Variants in WIPF1 observed in about 807,000 individuals in gnomAD.
WIPF1 encodes WAS/WASL interacting protein family member 1.
WIPF1 carries 13 observed loss-of-function variants against 35.4 expected under a neutral mutation model. The ratio of observed to expected loss-of-function variants is 0.37; its 90% CI spans 0.24 to 0.58. The LOEUF (loss-of-function observed/expected upper bound fraction) is 0.58. WIPF1 is among the 20% of genes least tolerant of loss of function. The probability of loss-of-function intolerance (pLI) is 0.74; values close to 1 mark genes in which losing one functional copy is unlikely to be tolerated. For synonymous variants in WIPF1, 267 were observed against 266.3 expected (o/e 1.00, Z -0.02); for missense variants, 591 against 667.0 (o/e 0.89, Z 1.25).
chr2:174,595,109 A>AAAAAAAAATATAAATATATAT (rs1553529785), intron 1 of WIPF1, among the ~76,000 whole-genome samples: 1 of 57,738 alleles, frequency 1.7e-5, no homozygotes, highest in African/African-American at 9.0e-5. Flanking sequence ...AAAAAAAAAA[A>AAAAAAAAATATAAATATATAT]ATATATATAT....
chr2:174,609,628 T>C (rs1431403863), intron 1 of WIPF1, among the ~76,000 whole-genome samples: 3 of 152,254 alleles, frequency 2.0e-5, no homozygotes, highest in Non-Finnish European at 1.5e-5. Context: ...TAAGACTACA[T>C]TGATTTGGAG....
At chr2:174,665,118 A>G (rs561548676) in intron 1 of WIPF1, 1 of 152,328 alleles carries the variant, frequency 6.6e-6, no homozygotes, top group Admixed American at 6.5e-5. Context: ...GAGACAGAGG[A>G]GAGGCAGACC....
At chr2:174,627,548 CTTTT>C (rs1231251170) in intron 1 of WIPF1, among the ~76,000 whole-genome samples, 2 of 122,942 alleles carry the variant, frequency 1.6e-5, no homozygotes, top group South Asian at 2.7e-4. Flanking sequence ...CTTTCTCTTT[CTTTT>C]TTTTTTTTGA....
chr2:174,568,120 C>T (rs1684722567), intron 5 of WIPF1, 47 bp from the exon 6 acceptor site: 3 of 1,568,768 alleles, frequency 1.9e-6, no homozygotes, highest in African/African-American at 2.7e-5. Context: ...ATCCACATTC[C>T]ATTACCGTGG....
intron 1 of WIPF1, among the ~76,000 whole-genome samples, chr2:174,634,201 A>G (rs1466951763): frequency 2.0e-5 from 3 of 152,246 alleles, no homozygotes; most frequent in Admixed American, 6.5e-5. Flanking sequence ...ATTTACATTA[A>G]CAGGTAAAAA....
chr2:174,571,787 A>G lies in WIPF1; in HGVS notation c.1018T>C (p.Ser340Pro). Residue 340 changes from serine to proline, a missense_variant, in exon 5 of 8, where the codon TCC becomes CCC. By Grantham distance (74) the Ser-to-Pro change is moderately conservative. Coordinates refer to ENST00000679041, the MANE Select transcript of WIPF1 (RefSeq NM_001375834.1). This position sits in a 1 kb window ranked among gnomAD's most constrained non-coding sequence, Gnocchi z 4.6. ...ETPRLPQRNL[S>P]LSSSTPPLPS... ...AACGGGGGCGTGGACGAACTGAGGG[A>G]CAGATTCCGCTGTGGGAGTCTTGGG... 1 of 1,614,168 alleles carries G rather than the reference A, an allele frequency of 6.2e-7. No individual in the cohort carries two copies. Among genetic ancestry groups the G allele is most frequent in the Non-Finnish European group, 8.5e-7 (1 of 1,180,040 alleles).
intron 4 of WIPF1, chr2:174,574,923 C>T (rs1413090091): frequency 1.4e-6 from 1 of 716,176 alleles, no homozygotes; most frequent in East Asian, 2.7e-5. Context: ...CCTCCCTTTT[C>T]TTCCCACTCC....
chr2:174,666,254 G>A (rs149415426), intron 1 of WIPF1, among the ~76,000 whole-genome samples: 289 of 152,320 alleles, frequency 1.9e-3, no homozygotes, highest in Non-Finnish European at 3.4e-3. Flanking sequence ...GACACAGTGA[G>A]ATCTCATCTC....
In WIPF1 at chr2:174,571,461, G is replaced by A; in HGVS notation, c.1129+215C>T. 1 of 667,662 alleles carries A rather than the reference G, an allele frequency of 1.5e-6. No individual in the cohort carries two copies. Among genetic ancestry groups the A allele is most frequent in the East Asian group, 2.7e-5 (1 of 37,072 alleles). The allele number at this position is 667,662 out of a possible 1,614,324, so 41.4% of individuals were successfully genotyped here. On this transcript the variant is annotated intron_variant, in intron 5 of 7. Transcript: ENST00000679041. The surrounding 1 kb of genome is among the most constrained non-coding windows in gnomAD (Gnocchi z 4.6). ...CATTTAACTTTATTAGCTACTCAGT[G>A]TCCTCATCTCTAAAACACCAACAGA...
At chr2:174,664,409 C>T (rs1296966832) in intron 1 of WIPF1, among the ~76,000 whole-genome samples, 2 of 152,200 alleles carry the variant, frequency 1.3e-5, no homozygotes, top group Non-Finnish European at 2.9e-5. Context: ...ACAAAGACTC[C>T]ATTTAGGATC....
chr2:174,573,342 C>G (rs1047012806), intron 4 of WIPF1, among the ~76,000 whole-genome samples: 2 of 151,448 alleles, frequency 1.3e-5, no homozygotes, highest in African/African-American at 4.9e-5. Context: ...ACTTGCTATG[C>G]GCCTGCCATT....
chr2:174,649,196 C>A (rs535246040), intron 1 of WIPF1, among the ~76,000 whole-genome samples: 3 of 152,262 alleles, frequency 2.0e-5, no homozygotes, highest in Admixed American at 2.0e-4. Context: ...TAAAAATACA[C>A]GTATTTCAGA....
chr2:174,654,437 G>A (rs1687601669), intron 1 of WIPF1, among the ~76,000 whole-genome samples: 1 of 151,868 alleles, frequency 6.6e-6, no homozygotes, highest in African/African-American at 2.4e-5. Context: ...CTTGTCTGAA[G>A]GCCCCCTTTC....
chr2:174,588,901 T>C (rs1685517024), intron 1 of WIPF1, among the ~76,000 whole-genome samples: 1 of 152,214 alleles, frequency 6.6e-6, no homozygotes, highest in Non-Finnish European at 1.5e-5. Context: ...CTTGTTTGCA[T>C]GGCTTGCTTT....
chr2:174,660,906 G>C (rs1440718967), intron 1 of WIPF1, among the ~76,000 whole-genome samples: 1 of 152,212 alleles, frequency 6.6e-6, no homozygotes. Flanking sequence ...CTGTTATTAC[G>C]ATCACGCAAC....
intron 1 of WIPF1, among the ~76,000 whole-genome samples, chr2:174,618,778 CT>C (rs1686590109): frequency 6.6e-6 from 1 of 152,218 alleles, no homozygotes; most frequent in South Asian, 2.1e-4. Context: ...TCTGCTCAGT[CT>C]GTGCCTCCCT....
chr2:174,680,778 T>G (rs1688229712), intron 1 of WIPF1, among the ~76,000 whole-genome samples: 2 of 152,178 alleles, frequency 1.3e-5, no homozygotes, highest in African/African-American at 4.8e-5. Context: ...ATTATAGCTT[T>G]CGTGTCTTGG....
chr2:174,587,424 A>G (rs747669854), intron 1 of WIPF1: 3 of 152,192 alleles, frequency 2.0e-5, no homozygotes, highest in Non-Finnish European at 4.4e-5. Flanking sequence ...AAACCTAAAC[A>G]AATACTTTCT....
At chr2:174,659,909 G>A (rs1361185231) in intron 1 of WIPF1, among the ~76,000 whole-genome samples, 4 of 152,126 alleles carry the variant, frequency 2.6e-5, no homozygotes, top group Non-Finnish European at 4.4e-5. Flanking sequence ...GCACATCCTC[G>A]TTTGCCCAGG....
Sources: gnomAD v4.1 joint callset for allele counts (sites outside exome capture counted in the v4.1 genomes callset) on GRCh38, gnomAD v4.1.1 for gene constraint, Gnocchi (gnomAD v3.1) non-coding constraint, MANE v1.5 for transcripts, NCBI Gene and HGNC (gene_info 2026-07-23, HGNC 2026-07-21) for gene names.